The following ASTN1 variants were observed in gnomAD, a reference collection of about 807,000 sequenced individuals.
The protein encoded by ASTN1 is astrotactin-1.
Under a neutral mutation model 140.7 loss-of-function variants are expected in ASTN1, and 41 were observed. The ratio of observed to expected loss-of-function variants is 0.29; its 90% confidence interval spans 0.23 to 0.38. The LOEUF (loss-of-function observed/expected upper bound fraction) is 0.38. Ranked by LOEUF, ASTN1 falls within the 10% of genes least tolerant of loss-of-function variation. ASTN1 has a pLI of 1.00. For synonymous variants in ASTN1, 640 were observed against 652.2 expected (o/e 0.98, Z 0.29); for missense variants, 1,479 against 1,678.8 (o/e 0.88, Z 2.08).
chr1:177,018,836 G>C (rs1006085204), intron 7 of ASTN1, among the ~76,000 whole-genome samples: 1 of 152,154 alleles, frequency 6.6e-6, no homozygotes, highest in Non-Finnish European at 1.5e-5. Flanking sequence ...CTTGCAAAGC[G>C]CAGGGAAAGT....
chr1:176,860,652 C>T (rs1316399539), downstream of ASTN1, among the ~76,000 whole-genome samples: 1 of 152,204 alleles, frequency 6.6e-6, no homozygotes, highest in African/African-American at 2.4e-5. Context: ...GTATAAATTT[C>T]AGCAGTTCTC....
At chr1:176,941,139 G>A (rs1038640747) in intron 14 of ASTN1, among the ~76,000 whole-genome samples, 2 of 152,170 alleles carry the variant, frequency 1.3e-5, no homozygotes, top group African/African-American at 4.8e-5. Flanking sequence ...AGTAGATACA[G>A]TGAAATGATA....
intron 8 of ASTN1, among the ~76,000 whole-genome samples, chr1:176,988,531 G>A (rs544054500): frequency 6.6e-6 from 1 of 152,256 alleles, no homozygotes; most frequent in Admixed American, 6.5e-5. Context: ...TTGGCTCTGG[G>A]TCTAAACCTA....
chr1:176,901,238 A>G (rs1669752704), intron 16 of ASTN1, among the ~76,000 whole-genome samples: 1 of 152,232 alleles, frequency 6.6e-6, no homozygotes, highest in Non-Finnish European at 1.5e-5. Flanking sequence ...GACTGCAAAA[A>G]GTTCATTTTG....
At chr1:177,156,310 G>T (rs1683234698) in intron 1 of ASTN1, among the ~76,000 whole-genome samples, 1 of 151,164 alleles carries the variant, frequency 6.6e-6, no homozygotes, top group Non-Finnish European at 1.5e-5. Flanking sequence ...ACCATATGCT[G>T]CTTGGAGAAA....
In ASTN1 at chr1:176,862,566, T is replaced by C. The variant is rs1402379128; in HGVS notation, c.*1718A>G. 2.0e-6 allele frequency: 2 copies of C among 985,382 alleles called. No homozygotes were observed. The highest frequency in any genetic ancestry group is 4.7e-5 in the South Asian group (1 of 21,280). The allele number at this position is 985,382 out of a possible 1,614,324, so 61.0% of individuals were successfully genotyped here. On this transcript the variant is annotated 3_prime_UTR_variant, in exon 23 of 23. Transcript: ENST00000361833. ...TGCCAGATGATACTGAAAACAGAAC[T>C]GGGTATCCCAGAGTAGCTAAGATCC...
At chr1:177,133,667 T>C (rs528777410) in intron 1 of ASTN1, among the ~76,000 whole-genome samples, 1 of 152,352 alleles carries the variant, frequency 6.6e-6, no homozygotes, top group Middle Eastern at 3.4e-3. Context: ...ATTATGCATC[T>C]AGCAATAATT....
At chr1:176,947,102 G>A (rs1671992432) in intron 12 of ASTN1, among the ~76,000 whole-genome samples, 1 of 152,186 alleles carries the variant, frequency 6.6e-6, no homozygotes, top group South Asian at 2.1e-4. Flanking sequence ...AATATAGCGA[G>A]AAGCAATATT....
At chr1:177,150,002 T>C (rs908475696) in intron 1 of ASTN1, among the ~76,000 whole-genome samples, 13 of 151,686 alleles carry the variant, frequency 8.6e-5, no homozygotes, top group Non-Finnish European at 1.2e-4. Context: ...CCTAGTATCA[T>C]GACTGCTACT....
At chr1:177,138,806 T>G (rs1682321451) in intron 1 of ASTN1, among the ~76,000 whole-genome samples, 1 of 152,190 alleles carries the variant, frequency 6.6e-6, no homozygotes, top group African/African-American at 2.4e-5. Context: ...TGGATCTTAT[T>G]GGTGCCGAAA....
At chr1:176,958,617 T>C (rs1672521278) in intron 9 of ASTN1, 135 bp from the exon 10 acceptor site, 1 of 1,242,538 alleles carries the variant, frequency 8.0e-7, no homozygotes. Context: ...TTTTTATGGG[T>C]GCAATGACTA....
chr1:177,023,326 T>G, intron 7 of ASTN1, 78 bp downstream of exon 7: 2 of 1,479,732 alleles, frequency 1.4e-6, no homozygotes, highest in Non-Finnish European at 1.8e-6. Flanking sequence ...TTGGGAGGCA[T>G]GGTCTGAATT....
intron 8 of ASTN1, among the ~76,000 whole-genome samples, chr1:177,004,976 G>A (rs1389029917): frequency 6.6e-6 from 1 of 152,018 alleles, no homozygotes; most frequent in East Asian, 1.9e-4. Context: ...ACAAATCAAT[G>A]GTACTTAACT....
At chr1:176,966,366 C>G (rs537565058) in intron 8 of ASTN1, among the ~76,000 whole-genome samples, 1 of 152,232 alleles carries the variant, frequency 6.6e-6, no homozygotes, top group East Asian at 1.9e-4. Context: ...CATTATTGCC[C>G]TTTAGAAGGT....
intron 1 of ASTN1, among the ~76,000 whole-genome samples, chr1:177,164,166 C>G (rs1647559562): frequency 6.6e-6 from 1 of 152,076 alleles, no homozygotes; most frequent in African/African-American, 2.4e-5. Context: ...TGAGGCAGGG[C>G]AGCTGAGAGG....
chr1:176,905,209 C>T (rs1276765653), intron 16 of ASTN1, among the ~76,000 whole-genome samples: 2 of 152,192 alleles, frequency 1.3e-5, no homozygotes, highest in Non-Finnish European at 2.9e-5. Flanking sequence ...CCCAGCTCCA[C>T]AGTACAAACA....
intron 1 of ASTN1, among the ~76,000 whole-genome samples, chr1:177,152,986 C>T (rs1302861080): frequency 6.6e-6 from 1 of 152,124 alleles, no homozygotes; most frequent in African/African-American, 2.4e-5. Flanking sequence ...AGATTATGAG[C>T]TATTTAATAA....
rs1668018662 is a variant in ASTN1 at position 176,863,057 on chromosome 1, A to G, written c.*1227T>C. On this transcript the variant is annotated 3_prime_UTR_variant, in exon 23 of 23. Coordinates refer to ENST00000361833, the MANE Select transcript of ASTN1 (RefSeq NM_004319.3). ...TGGGCTTCCTGTTGGCTGGGCCACCATTCATGACCATGCCAATGCTTGGGC... is the reference window on the plus strand; with the variant it reads ...TGGGCTTCCTGTTGGCTGGGCCACCGTTCATGACCATGCCAATGCTTGGGC... 1.0e-6 allele frequency: 1 copy of G among 985,566 alleles called. No homozygotes were observed. Among genetic ancestry groups the G allele is most frequent in the African/African-American group, 1.7e-5 (1 of 57,224 alleles). The allele number at this position is 985,566 out of a possible 1,614,324, so 61.1% of individuals were successfully genotyped here.
At chr1:177,023,696 C>T (rs1411642781) in intron 6 of ASTN1, 125 bp from the exon 7 acceptor site, 6 of 1,099,664 alleles carry the variant, frequency 5.5e-6, no homozygotes, top group Non-Finnish European at 7.4e-6. Context: ...TCTCACCATT[C>T]CTAGCCCATC....
Sources: gnomAD v4.1 joint callset for allele counts (sites outside exome capture counted in the v4.1 genomes callset) on GRCh38, gnomAD v4.1.1 for gene constraint, MANE v1.5 for transcripts, NCBI Gene and HGNC (gene_info 2026-07-23, HGNC 2026-07-21) for gene names.